The following SMAD6 variants were observed in gnomAD, a reference collection of about 807,000 sequenced individuals.
The protein encoded by SMAD6 is MAD homolog 6.
Under a neutral mutation model 39.4 loss-of-function variants are expected in SMAD6, and 103 were observed. The observed-to-expected ratio is 2.62, with a 90% confidence interval of 2.23 to 3.08. The LOEUF (loss-of-function observed/expected upper bound fraction) is 3.08. Ranked by LOEUF, SMAD6 falls within the 30% of genes most tolerant of loss-of-function variation. SMAD6 has a pLI of 0.00. For synonymous variants in SMAD6, 445 were observed against 353.3 expected (o/e 1.26, Z -2.91); for missense variants, 1,104 against 742.9 (o/e 1.49, Z -5.65).
chr15:66,745,894 C>CT (rs1202520028), intron 3 of SMAD6, among the ~76,000 whole-genome samples: 1 of 152,214 alleles, frequency 6.6e-6, no homozygotes, highest in East Asian at 1.9e-4. Flanking sequence ...TTCAATTCCT[C>CT]TGTTTTCCCC....
intron 3 of SMAD6, among the ~76,000 whole-genome samples, chr15:66,776,021 C>G (rs891890038): frequency 3.9e-5 from 6 of 152,174 alleles, no homozygotes; most frequent in Non-Finnish European, 8.8e-5. Context: ...TTGGACACAC[C>G]GCATGAAATC....
intron 3 of SMAD6, among the ~76,000 whole-genome samples, chr15:66,762,920 G>C (rs535481374): frequency 6.6e-6 from 1 of 152,210 alleles, no homozygotes; most frequent in Admixed American, 6.5e-5. Flanking sequence ...AGAAAAAGGA[G>C]TTCACCAATA....
chr15:66,709,392 A>C (rs1324136746), intron 1 of SMAD6, among the ~76,000 whole-genome samples: 1 of 152,214 alleles, frequency 6.6e-6, no homozygotes. Context: ...AGCAGGTGTC[A>C]CAACTCAAGG....
At chr15:66,712,389 G>A (rs919683047) in intron 2 of SMAD6, among the ~76,000 whole-genome samples, 1 of 152,138 alleles carries the variant, frequency 6.6e-6, no homozygotes, top group East Asian at 1.9e-4. Flanking sequence ...GATGTAAGTG[G>A]TTTCAAAAGT....
intron 3 of SMAD6, among the ~76,000 whole-genome samples, chr15:66,737,732 C>G (rs985704274): frequency 1.3e-5 from 2 of 151,996 alleles, no homozygotes; most frequent in Admixed American, 6.5e-5. Context: ...GCAAGTGAGC[C>G]AGGAAGTCAT....
intron 3 of SMAD6, among the ~76,000 whole-genome samples, chr15:66,759,263 T>G (rs534814753): frequency 2.0e-5 from 3 of 152,212 alleles, no homozygotes; most frequent in African/African-American, 4.8e-5. Flanking sequence ...ATAAGAGAAT[T>G]TGATAAATCC....
intron 3 of SMAD6, among the ~76,000 whole-genome samples, chr15:66,763,560 C>T (rs960534287): frequency 2.6e-5 from 4 of 152,242 alleles, no homozygotes; most frequent in Admixed American, 1.3e-4. Context: ...CCAGGACCGA[C>T]GCACCCTCTC....
At chr15:66,720,115 C>T (rs1893405985) in intron 3 of SMAD6, among the ~76,000 whole-genome samples, 1 of 152,180 alleles carries the variant, frequency 6.6e-6, no homozygotes, top group Admixed American at 6.5e-5. Context: ...TCAGGCTGTC[C>T]TCTTCTCTGC....
At chr15:66,741,862 T>G (rs1207171539) in intron 3 of SMAD6, among the ~76,000 whole-genome samples, 1 of 152,220 alleles carries the variant, frequency 6.6e-6, no homozygotes, top group Non-Finnish European at 1.5e-5. Flanking sequence ...TCCTGAGGCA[T>G]TGACTTGGAC....
rs368592329 is a variant in SMAD6, at chr15:66,750,063, G to A, written c.953-30934G>A. 2.8e-4 allele frequency among the ~76,000 whole-genome samples: 43 copies of A among 152,274 alleles called. 1 individual carries two copies. Among genetic ancestry groups the A allele is most frequent in the East Asian group, 1.4e-3 (7 of 5,182 alleles). ...TTCTTTCCTCAGAGATTAACCAGTG[G>A]CCCTGTATCGATTGCCAGCTTACCT... is the stretch of plus-strand genomic sequence containing the variant. On this transcript the variant is annotated intron_variant, in intron 3 of 3. Transcript: ENST00000288840.
intron 3 of SMAD6, among the ~76,000 whole-genome samples, chr15:66,758,454 G>A (rs1446851206): frequency 6.6e-6 from 1 of 152,230 alleles, no homozygotes; most frequent in African/African-American, 2.4e-5. Context: ...AGGGCCAGGT[G>A]TGGTGGCTTA....
intron 3 of SMAD6, among the ~76,000 whole-genome samples, chr15:66,732,068 C>T (rs1194347549): frequency 1.3e-5 from 2 of 151,404 alleles, no homozygotes; most frequent in African/African-American, 2.4e-5. Flanking sequence ...CTCAGCCTCT[C>T]GAGTAGCTGG....
At chr15:66,732,013 G>C (rs1726555274) in intron 3 of SMAD6, among the ~76,000 whole-genome samples, 1 of 144,690 alleles carries the variant, frequency 6.9e-6, no homozygotes, top group African/African-American at 2.6e-5. Context: ...GTGTGATCTT[G>C]GCTCACTGTA....
chr15:66,766,211 G>T (rs1894285186), intron 3 of SMAD6, among the ~76,000 whole-genome samples: 1 of 152,190 alleles, frequency 6.6e-6, no homozygotes, highest in Admixed American at 6.5e-5. Context: ...AGGGATGGGG[G>T]GCAGGGGGCA....
chr15:66,769,575 T>C (rs1595797963), intron 3 of SMAD6, among the ~76,000 whole-genome samples: 1 of 152,190 alleles, frequency 6.6e-6, no homozygotes, highest in East Asian at 1.9e-4. Flanking sequence ...GGAGCTGGGC[T>C]GTGGGTACCT....
chr15:66,772,758 C>T (rs927420892), intron 3 of SMAD6, among the ~76,000 whole-genome samples: 11 of 152,226 alleles, frequency 7.2e-5, no homozygotes, highest in African/African-American at 2.2e-4. Context: ...TTCACAGCTG[C>T]TGAGTGGCAG....
intron 3 of SMAD6, among the ~76,000 whole-genome samples, chr15:66,722,800 C>A (rs1893457635): frequency 6.6e-6 from 1 of 151,940 alleles, no homozygotes; most frequent in African/African-American, 2.4e-5. Context: ...ATGGGGGTGA[C>A]TAGAGCAGTC....
chr15:66,716,615 C>A, intron 3 of SMAD6, 117 bp downstream of exon 3: 2 of 806,914 alleles, frequency 2.5e-6, no homozygotes, highest in Non-Finnish European at 4.3e-6. Context: ...TTCCCTTTTC[C>A]TCCAATCCTT....
At position 66,728,040 on chromosome 15, in the gene SMAD6, A is replaced by G. The variant is rs571247908; in HGVS notation, c.952+11542A>G. Among the ~76,000 whole-genome samples, 132 of 152,212 alleles carry G rather than the reference A, an allele frequency of 8.7e-4. 1 individual carries two copies. The highest frequency in any genetic ancestry group is 5.9e-4 in the Admixed American group (9 of 15,302). On this transcript the variant is annotated intron_variant, in intron 3 of 3. Coordinates refer to ENST00000288840, the MANE Select transcript of SMAD6 (RefSeq NM_005585.5). ...AGCTAATTTTGTATTTTTAGTAGAG[A>G]TGGGGTTTCTCCATGTTGGTCAGGC...
Sources: gnomAD v4.1 joint callset for allele counts (sites outside exome capture counted in the v4.1 genomes callset) on GRCh38, gnomAD v4.1.1 for gene constraint, MANE v1.5 for transcripts, NCBI Gene and HGNC (gene_info 2026-07-23, HGNC 2026-07-21) for gene names.